The following TYR variants were observed in gnomAD, a reference collection of about 807,000 sequenced individuals.
TYR encodes tyrosinase, also known as LB24-AB.
In TYR, 58 loss-of-function variants were observed where a neutral mutation model predicts 51.5. The observed-to-expected ratio is 1.13, with a 90% CI of 0.91 to 1.40. The LOEUF is 1.40. TYR is among the 40% of genes most tolerant of loss of function. TYR has a pLI of 0.00. For missense variants in TYR, 732 were observed against 647.4 expected (o/e 1.13, Z -1.42); for synonymous variants, 263 against 235.2 (o/e 1.12, Z -1.08).
At chr11:89,181,241 C>CT (rs1943296017) in intron 1 of TYR, among the ~76,000 whole-genome samples, 1 of 152,152 alleles carries the variant, frequency 6.6e-6, no homozygotes, top group African/African-American at 2.4e-5. Flanking sequence ...CTCTTGAACT[C>CT]TTGACCTCAA....
intron 3 of TYR, among the ~76,000 whole-genome samples, chr11:89,269,958 G>A (rs1042977286): frequency 3.3e-5 from 5 of 151,804 alleles, no homozygotes; most frequent in South Asian, 2.1e-4. Flanking sequence ...ATCTACTACC[G>A]TGTTGCTCCC....
chr11:89,293,217 A>G (rs1281554366), intron 4 of TYR, among the ~76,000 whole-genome samples: 1 of 151,986 alleles, frequency 6.6e-6, no homozygotes, highest in Non-Finnish European at 1.5e-5. Flanking sequence ...ATTTGATGTG[A>G]TTTATTTCTT....
intron 2 of TYR, among the ~76,000 whole-genome samples, chr11:89,217,168 G>A (rs1469618288): frequency 6.6e-6 from 1 of 152,112 alleles, no homozygotes; most frequent in Non-Finnish European, 1.5e-5. Context: ...GGTAAATGAA[G>A]TGTTAAAGTC....
At chr11:89,218,901 C>T (rs1943871158) in intron 2 of TYR, among the ~76,000 whole-genome samples, 1 of 152,132 alleles carries the variant, frequency 6.6e-6, no homozygotes, top group South Asian at 2.1e-4. Context: ...TAGAGAAAAG[C>T]AGTTAAGAGT....
At chr11:89,235,565 T>C (rs560073230) in intron 3 of TYR, among the ~76,000 whole-genome samples, 1 of 152,196 alleles carries the variant, frequency 6.6e-6, no homozygotes, top group East Asian at 1.9e-4. Flanking sequence ...AAATAAGCCA[T>C]GCACAGAAAG....
At chr11:89,251,643 T>G (rs1347056205) in intron 3 of TYR, among the ~76,000 whole-genome samples, 1 of 151,912 alleles carries the variant, frequency 6.6e-6, no homozygotes, top group Non-Finnish European at 1.5e-5. Context: ...TGTTTCTGTT[T>G]TTTTAGAAAA....
Position 89,245,877 on chromosome 11 carries a change from C to T in TYR, c.1184+17907C>T, listed in dbSNP as rs552133042. Among the ~76,000 whole-genome samples, 341 of 151,518 alleles carry T rather than the reference C, an allele frequency of 2.3e-3. 2 individuals are homozygous for T. Among genetic ancestry groups the T allele is most frequent in the African/African-American group, 7.9e-3 (328 of 41,324 alleles). On this transcript the variant is annotated intron_variant, in intron 3 of 4. Transcript: ENST00000263321. ...CGGAGCTTGCAATGAGCCAAGATCA[C>T]GCTACTGCACTCCAGCCCGGGCGAC...
At chr11:89,216,381 A>G (rs12421155) in intron 2 of TYR, among the ~76,000 whole-genome samples, 35,473 of 151,972 alleles carry the variant, frequency 0.23, 6,374 homozygotes, top group African/African-American at 0.5. Context: ...CTATTAAATG[A>G]GGCCCACTTT....
Position 89,295,615 on chromosome 11 carries a change from A to G in TYR, c.*249A>G, listed in dbSNP as rs1261516907. On this transcript the variant is annotated 3_prime_UTR_variant, in exon 5 of 5. Coordinates refer to ENST00000263321, the MANE Select transcript of TYR (RefSeq NM_000372.5). ...TCTAAGGAAAGGATGCTATTTGGTAATGAGGAACTGTTATTTGTATGTGAA... is the reference window on the plus strand; with the variant it reads ...TCTAAGGAAAGGATGCTATTTGGTAGTGAGGAACTGTTATTTGTATGTGAA... 1.0e-5 allele frequency: 5 copies of G among 492,156 alleles called. No homozygotes were observed. Among genetic ancestry groups the G allele is most frequent in the Non-Finnish European group, 1.5e-5 (4 of 272,222 alleles). The allele number at this position is 492,156 out of a possible 1,614,324, so 30.5% of individuals were successfully genotyped here.
At chr11:89,219,911 G>T (rs1360275380) in intron 2 of TYR, among the ~76,000 whole-genome samples, 1 of 152,064 alleles carries the variant, frequency 6.6e-6, no homozygotes, top group Non-Finnish European at 1.5e-5. Context: ...CAATGGATAT[G>T]ACAAGAATTA....
intron 3 of TYR, among the ~76,000 whole-genome samples, chr11:89,247,885 A>G (rs929925948): frequency 8.5e-5 from 13 of 152,190 alleles, no homozygotes; most frequent in Admixed American, 5.2e-4. Context: ...GCCAAATGTC[A>G]GACCCACTGA....
chr11:89,187,146 G>A (rs1943385565), intron 1 of TYR, among the ~76,000 whole-genome samples: 1 of 152,120 alleles, frequency 6.6e-6, no homozygotes, highest in Non-Finnish European at 1.5e-5. Flanking sequence ...ACTATAGACT[G>A]AGACTGTGGG....
intron 3 of TYR, among the ~76,000 whole-genome samples, chr11:89,241,042 C>T (rs1215594523): frequency 6.6e-6 from 1 of 152,080 alleles, no homozygotes; most frequent in African/African-American, 2.4e-5. Flanking sequence ...TGTTTCTACA[C>T]AAACATCAGA....
chr11:89,185,039 T>C (rs760011760), intron 1 of TYR, among the ~76,000 whole-genome samples: 13 of 152,182 alleles, frequency 8.5e-5, no homozygotes, highest in South Asian at 2.1e-4. Flanking sequence ...TATTTTCAAA[T>C]GTGATGCAAA....
chr11:89,217,115 G>A (rs1407411518), intron 2 of TYR, among the ~76,000 whole-genome samples: 2 of 152,166 alleles, frequency 1.3e-5, no homozygotes, highest in Non-Finnish European at 2.9e-5. Context: ...TTCTGTCACA[G>A]TGTTGTTTTA....
intron 4 of TYR, among the ~76,000 whole-genome samples, chr11:89,291,055 C>T (rs1944848046): frequency 6.6e-6 from 1 of 151,854 alleles, no homozygotes; most frequent in Non-Finnish European, 1.5e-5. Flanking sequence ...TGCTACGTGC[C>T]TTAAATATGT....
intron 2 of TYR, among the ~76,000 whole-genome samples, chr11:89,225,683 ATAT>A (rs905066292): frequency 6.6e-6 from 1 of 151,952 alleles, no homozygotes; most frequent in East Asian, 1.9e-4. Context: ...TTTGAAAGTA[ATAT>A]TATATGTTCA....
chr11:89,267,228 G>T (rs1473671018), intron 3 of TYR, among the ~76,000 whole-genome samples: 1 of 151,946 alleles, frequency 6.6e-6, no homozygotes, highest in African/African-American at 2.4e-5. Flanking sequence ...GTATGTGAAA[G>T]TGTGCCTGTA....
intron 3 of TYR, among the ~76,000 whole-genome samples, chr11:89,260,892 G>A (rs1234229545): frequency 6.6e-6 from 1 of 152,088 alleles, no homozygotes; most frequent in Non-Finnish European, 1.5e-5. Context: ...CAGGAGGTGA[G>A]TGGTGAAGTG....
Sources: gnomAD v4.1 joint callset for allele counts (sites outside exome capture counted in the v4.1 genomes callset) on GRCh38, gnomAD v4.1.1 for gene constraint, MANE v1.5 for transcripts, NCBI Gene and HGNC (gene_info 2026-07-23, HGNC 2026-07-21) for gene names.